Variants in DOCK9 observed in about 807,000 individuals in gnomAD.
DOCK9 encodes dedicator of cytokinesis protein 9.
DOCK9 carries 89 observed loss-of-function variants against 263.3 expected under a neutral mutation model. That is an observed-to-expected ratio of 0.34 (90% confidence interval 0.28 to 0.40). The LOEUF (loss-of-function observed/expected upper bound fraction) is 0.40, where lower values mean the gene tolerates loss of function less well. Ranked by LOEUF, DOCK9 falls within the 10% of genes least tolerant of loss-of-function variation. The pLI is 1.00. For synonymous variants in DOCK9, 976 were observed against 973.1 expected (o/e 1.00, Z -0.06); for missense variants, 2,140 against 2,603.4 (o/e 0.82, Z 3.87).
In DOCK9 at chr13:98,863,064, C is replaced by T. The variant is rs975069475; in HGVS notation, c.3534G>A (p.Arg1178=). ...LFGLLIENVQ[R]INVRDVSPFP... ...AGGGTGACACATCCCTCACATTGAT[C>T]CGCTGGACGTTTTCAATCAGCAGAC... The change falls in exon 32 of 53, where the codon CGG becomes CGA. Residue 1178 remains arginine, a synonymous_variant. Transcript: ENST00000682017. 2.2e-5 allele frequency: 35 copies of T among 1,611,520 alleles called. No individual in the cohort carries two copies. The highest frequency in any genetic ancestry group is 2.6e-5 in the Non-Finnish European group (31 of 1,179,048).
At chr13:98,807,890 G>A (rs1420989078) in intron 47 of DOCK9, 83 bp from the exon 48 acceptor site, 78 of 1,175,138 alleles carry the variant, frequency 6.6e-5, no homozygotes, top group Non-Finnish European at 8.7e-5. Flanking sequence ...TATTACAAGG[G>A]GGAAAAAAAG....
intron 27 of DOCK9, among the ~76,000 whole-genome samples, chr13:98,879,287 G>T (rs372419157): frequency 6.6e-6 from 1 of 152,082 alleles, no homozygotes; most frequent in African/African-American, 2.4e-5. Flanking sequence ...GGGGACCCAC[G>T]GTCAGAAAGG....
In DOCK9 at chr13:98,888,143, T is replaced by TAA; in HGVS notation, c.2043+13_2043+14dup. On this transcript the variant is annotated intron_variant, in intron 18 of 52. Coordinates refer to ENST00000682017, the MANE Select transcript of DOCK9 (RefSeq NM_001366683.2). ...TCAGAATTCGTAGGTGAACATATAT[T>TAA]AAAAAAAAACAAACCTTAAGGGGCT... 6.7e-7 allele frequency: 1 copy of TAA among 1,498,156 alleles called. No homozygotes were observed. The allele number at this position is 1,498,156 out of a possible 1,614,324, so 92.8% of individuals were successfully genotyped here.
At chr13:99,023,800 G>C (rs1242078085) in intron 1 of DOCK9, among the ~76,000 whole-genome samples, 2 of 152,176 alleles carry the variant, frequency 1.3e-5, no homozygotes, top group Non-Finnish European at 2.9e-5. Flanking sequence ...CTCACAAAGG[G>C]AAGATAAGCT....
chr13:99,081,658 C>T (rs889491383), intron 1 of DOCK9, among the ~76,000 whole-genome samples: 7 of 152,216 alleles, frequency 4.6e-5, no homozygotes, highest in Non-Finnish European at 8.8e-5. Context: ...AATACATCCT[C>T]TTAGATCTAG....
In DOCK9 at chr13:99,033,689, G is replaced by A. The variant is rs574815702; in HGVS notation, c.129+52534C>T. ...CTATTGCAACAGTGATAAAAGTGAG[G>A]ACACTGAGGCTTAAAGACGGTTAAA... On this transcript the variant is annotated intron_variant, in intron 1 of 32. Coordinates refer to the DOCK9 transcript ENST00000427887. Among the ~76,000 whole-genome samples, 3 of 152,288 alleles carry A rather than the reference G, an allele frequency of 2.0e-5. No individual in the cohort carries two copies. The South Asian group carries it at 6.2e-4, about 32-fold the overall frequency.
chr13:99,075,860 C>G (rs551184568), intron 1 of DOCK9, among the ~76,000 whole-genome samples: 1 of 151,898 alleles, frequency 6.6e-6, no homozygotes, highest in African/African-American at 2.4e-5. Flanking sequence ...AATGGAGACC[C>G]TGGGTAGTTC....
chr13:98,877,571 C>G (rs2044075225), intron 27 of DOCK9, among the ~76,000 whole-genome samples: 1 of 152,154 alleles, frequency 6.6e-6, no homozygotes, highest in African/African-American at 2.4e-5. Context: ...ACCTGGTCCT[C>G]ATTCTCCTTC....
At chr13:98,939,953 C>T (rs144684324) in intron 2 of DOCK9, among the ~76,000 whole-genome samples, 3 of 152,344 alleles carry the variant, frequency 2.0e-5, no homozygotes, top group Admixed American at 1.3e-4. Context: ...CTGGTCTGTA[C>T]ATTAAATATT....
At chr13:98,871,583 G>C (rs1464698642) in intron 27 of DOCK9, among the ~76,000 whole-genome samples, 2 of 152,342 alleles carry the variant, frequency 1.3e-5, no homozygotes, top group South Asian at 2.1e-4. Context: ...TTTTTATGGA[G>C]ATTACTATAA....
chr13:98,829,614 G>A lies in DOCK9; in HGVS notation c.4749+29C>T, dbSNP rs1217715454. On this transcript the variant is annotated intron_variant, in intron 42 of 52. Coordinates refer to ENST00000682017, the MANE Select transcript of DOCK9 (RefSeq NM_001366683.2). This position sits in a 1 kb window ranked among gnomAD's most constrained non-coding sequence, Gnocchi z 4.1. ...TCAGGTGCTGATGCAGAGTCTCAGG[G>A]TGAAACTAACATGGGCCAGGCTACC... 2 of 1,585,526 alleles carry A rather than the reference G, an allele frequency of 1.3e-6. No homozygotes were observed. Among genetic ancestry groups the A allele is most frequent in the African/African-American group, 2.7e-5 (2 of 74,474 alleles).
At chr13:98,896,487 C>T (rs904607584) in intron 15 of DOCK9, among the ~76,000 whole-genome samples, 4 of 131,106 alleles carry the variant, frequency 3.1e-5, no homozygotes, top group Non-Finnish European at 6.8e-5. Context: ...TTTTGATATG[C>T]ACAAAAAAAA....
At position 98,976,839 on chromosome 13, in the gene DOCK9, T is replaced by C. The variant is rs555492263; in HGVS notation, c.126+945A>G. 2.6e-5 allele frequency among the ~76,000 whole-genome samples: 4 copies of C among 152,276 alleles called. No individual in the cohort carries two copies. In the East Asian group the frequency reaches 5.8e-4, roughly 22 times the overall value. On this transcript the variant is annotated intron_variant, in intron 1 of 52. Transcript: ENST00000682017. Reference sequence around the variant, plus strand: ...AACTCAGTTCAAATCAAATCTGTTATAGGAAAGTTTAAGTTCAGATTCTTA... The same window carrying C: ...AACTCAGTTCAAATCAAATCTGTTACAGGAAAGTTTAAGTTCAGATTCTTA...
chr13:99,085,894 A>G (rs756709810), intron 1 of DOCK9, among the ~76,000 whole-genome samples: 45 of 151,946 alleles, frequency 3.0e-4, no homozygotes, highest in Non-Finnish European at 6.0e-4. Context: ...GTAATTTCCC[A>G]GTTGACAGAA....
At chr13:98,920,840 T>C in intron 7 of DOCK9, 114 bp downstream of exon 7, 1 of 1,016,852 alleles carries the variant, frequency 9.8e-7, no homozygotes, top group East Asian at 2.6e-5. Flanking sequence ...TTATATGTTA[T>C]ATTTCTACCA....
Position 98,829,927 on chromosome 13 carries a change from C to A in DOCK9, c.4636-171G>T, listed in dbSNP as rs1244468594. On this transcript the variant is annotated intron_variant, in intron 41 of 52. Transcript: ENST00000682017. This position sits in a 1 kb window ranked among gnomAD's most constrained non-coding sequence, Gnocchi z 4.1. ...ACAATGTCTGAGGTATTTTCTTCCC[C>A]TTTAAGAATAATTACAGAAAGTGAT... is the stretch of plus-strand genomic sequence containing the variant. Among the ~76,000 whole-genome samples, 2 of 152,166 alleles carry A rather than the reference C, an allele frequency of 1.3e-5. No individual in the cohort carries two copies. The highest frequency in any genetic ancestry group is 1.3e-4 in the Admixed American group (2 of 15,278).
At position 98,977,797 on chromosome 13, in the gene DOCK9, G is replaced by C; in HGVS notation, c.113C>G (p.Pro38Arg). 1 of 1,611,662 alleles carries C rather than the reference G, an allele frequency of 6.2e-7. No individual in the cohort carries two copies. The highest frequency in any genetic ancestry group is 8.5e-7 in the Non-Finnish European group (1 of 1,179,028). ...AGACCCTCTTACCGGCACAGGGCCCGGGCTCTCTGCTTCCACTTCGCCCTG... is the reference window on the plus strand; with the variant it reads ...AGACCCTCTTACCGGCACAGGGCCCCGGCTCTCTGCTTCCACTTCGCCCTG... ...AAQGEVEAESPGPVPAKPKLI... is the reference protein window; with the variant it reads ...AAQGEVEAESRGPVPAKPKLI... The change falls in exon 1 of 53, where the codon CCG (proline) becomes CGG (arginine). Residue 38 changes from proline to arginine, a missense_variant. Coordinates refer to ENST00000682017, the MANE Select transcript of DOCK9 (RefSeq NM_001366683.2).
chr13:98,978,150 A>C, upstream of DOCK9: 6 of 1,337,478 alleles, frequency 4.5e-6, no homozygotes, highest in Non-Finnish European at 4.8e-6. Flanking sequence ...CTTGCTGGCC[A>C]AAGGAAAACA....
intron 5 of DOCK9, 28 bp from the exon 6 acceptor site, chr13:98,922,174 C>A: frequency 1.3e-6 from 2 of 1,528,080 alleles, no homozygotes; most frequent in South Asian, 1.2e-5. Flanking sequence ...CACCAGCAGT[C>A]AACCTCCCGT....
Sources: allele counts gnomAD v4.1 joint callset (sites outside exome capture counted in the v4.1 genomes callset), GRCh38; gene constraint gnomAD v4.1.1; non-coding constraint Gnocchi (gnomAD v3.1); transcripts MANE v1.5; gene names NCBI Gene and HGNC (gene_info 2026-07-23, HGNC 2026-07-21).